DDX50: variants seen among roughly 807,000 people sequenced by gnomAD.
DDX50 encodes the protein ATP-dependent RNA helicase DDX50.
DDX50 carries 56 observed loss-of-function variants against 94.8 expected under a neutral mutation model. The ratio of observed to expected loss-of-function variants is 0.59; its 90% CI spans 0.48 to 0.74. The LOEUF (loss-of-function observed/expected upper bound fraction) is 0.74. Among genes scored for constraint, DDX50 ranks in the 30% least tolerant of loss-of-function variants. The probability of loss-of-function intolerance (pLI) is 0.00; values close to 1 mark genes in which losing one functional copy is unlikely to be tolerated. For synonymous variants in DDX50, 264 were observed against 295.4 expected, an observed-to-expected ratio of 0.89 and a Z score of 1.09; for missense variants, 713 against 881.2, an observed-to-expected ratio of 0.81 and a Z score of 2.42.
chr10:68,907,562 C>T (rs2132022198), intron 2 of DDX50, among the ~76,000 whole-genome samples: 1 of 152,120 alleles, frequency 6.6e-6, no homozygotes, highest in East Asian at 1.9e-4. Flanking sequence ...AGTGATCCAC[C>T]TGTCTCGGCT....
At chr10:68,940,149 G>C (rs963705163) in intron 12 of DDX50, among the ~76,000 whole-genome samples, 3 of 151,986 alleles carry the variant, frequency 2.0e-5, no homozygotes, top group African/African-American at 7.2e-5. Context: ...AGCACTTTGG[G>C]AGGCTGAAGC....
At chr10:68,940,378 T>TA (rs75318772) in intron 12 of DDX50, among the ~76,000 whole-genome samples, 290 of 134,046 alleles carry the variant, frequency 2.2e-3, no homozygotes, top group Middle Eastern at 0.02. Flanking sequence ...GACCCTGTCT[T>TA]AAAAAAAAAA....
intron 14 of DDX50, among the ~76,000 whole-genome samples, 170 bp from the exon 15 acceptor site, chr10:68,946,182 A>T (rs1252168469): frequency 2.6e-5 from 4 of 152,184 alleles, no homozygotes; most frequent in Non-Finnish European, 4.4e-5. Flanking sequence ...TGATCTCGAA[A>T]ATTGAAAATA....
intron 13 of DDX50, among the ~76,000 whole-genome samples, chr10:68,942,759 A>T (rs931849346): frequency 6.6e-6 from 1 of 151,902 alleles, no homozygotes; most frequent in Non-Finnish European, 1.5e-5. Context: ...GACTACAGTC[A>T]TGCATCACCA....
Position 68,934,484 on chromosome 10 carries a change from TAGTG to T in DDX50, c.1401+125_1401+128del. 1 of 1,306,846 alleles carries T rather than the reference TAGTG, an allele frequency of 7.7e-7. No homozygotes were observed. The highest frequency in any genetic ancestry group is 1.1e-6 in the Non-Finnish European group (1 of 948,192). 81.0% of individuals were successfully genotyped at this position (1,306,846 alleles called of 1,614,324 possible). On this transcript the variant is annotated intron_variant, in intron 9 of 14. Coordinates refer to ENST00000373585, the MANE Select transcript of DDX50 (RefSeq NM_024045.2). This position sits in a 1 kb window ranked among gnomAD's most constrained non-coding sequence, Gnocchi z 4.0. Reference sequence around the variant, plus strand: ...CTTCTTGCTCTTAGCCATTTTTTGTTAGTGTGCTATTAAATTTATCAGATTCTGA... The same window carrying T: ...CTTCTTGCTCTTAGCCATTTTTTGTTTGCTATTAAATTTATCAGATTCTGA...
At chr10:68,915,433 A>G (rs907531616) in intron 7 of DDX50, among the ~76,000 whole-genome samples, 2 of 143,300 alleles carry the variant, frequency 1.4e-5, no homozygotes, top group African/African-American at 5.2e-5. Context: ...AAAAGAAAAA[A>G]AAGGCTGGGT....
rs1305069416 is a variant in DDX50 at position 68,901,447 on chromosome 10, G to A, written c.63G>A (p.Glu21=). 1.9e-6 allele frequency: 3 copies of A among 1,574,796 alleles called. No homozygotes were observed. The highest frequency in any genetic ancestry group is 8.6e-7 in the Non-Finnish European group (1 of 1,160,772). ...MELEAPLEES[E]SQKKERQKSD... The stretch of plus-strand genomic sequence containing the variant: ...TGGAAGCACCCTTGGAGGAGTCCGA[G>A]AGCCAGAAGAAGGAGAGGCAAAAGG... Residue 21 remains glutamate, a synonymous_variant, in exon 1 of 15, where the codon GAG becomes GAA. Transcript: ENST00000373585.
intron 8 of DDX50, among the ~76,000 whole-genome samples, chr10:68,922,663 T>C: frequency 6.6e-6 from 1 of 152,014 alleles, no homozygotes; most frequent in South Asian, 2.1e-4. Flanking sequence ...GGTGGTGGTG[T>C]GTGCCTGTAC....
In DDX50 at chr10:68,938,235, A is replaced by G. The variant is rs879698197; in HGVS notation, c.1755+1140A>G. Among the ~76,000 whole-genome samples the G allele has an allele frequency of 9.9e-5, 15 of 152,198 alleles. 1 individual carries two copies. The highest frequency in any genetic ancestry group is 2.9e-4 in the African/African-American group (12 of 41,440). On this transcript the variant is annotated intron_variant, in intron 12 of 14. Coordinates refer to ENST00000373585, the MANE Select transcript of DDX50 (RefSeq NM_024045.2). ...CAAAGTAAGAAATAGACTCTGCACA[A>G]TTAACACAGTAGCATGCAAAGTAAG...
chr10:68,904,871 C>T (rs1326272069), intron 1 of DDX50, among the ~76,000 whole-genome samples: 2 of 152,196 alleles, frequency 1.3e-5, no homozygotes, highest in African/African-American at 4.8e-5. Context: ...CATTTTCACA[C>T]ATATTGTTCA....
intron 8 of DDX50, among the ~76,000 whole-genome samples, chr10:68,925,361 C>T (rs372218179): frequency 7.2e-5 from 11 of 152,004 alleles, no homozygotes; most frequent in South Asian, 4.2e-4. Flanking sequence ...CCACCCGCCT[C>T]GGCCTCCCAA....
At chr10:68,907,065 AT>A in intron 2 of DDX50, 58 bp downstream of exon 2, 3 of 1,488,266 alleles carry the variant, frequency 2.0e-6, no homozygotes, top group South Asian at 1.3e-5. Flanking sequence ...GTTGATTTGA[AT>A]TTTTTTAGGC....
Position 68,906,863 on chromosome 10 carries a change from A to C in DDX50, c.240A>C (p.Arg80Ser). 1 of 1,612,888 alleles carries C rather than the reference A, an allele frequency of 6.2e-7. No individual in the cohort carries two copies. Among genetic ancestry groups the C allele is most frequent in the Non-Finnish European group, 8.5e-7 (1 of 1,179,836 alleles). The change falls in exon 2 of 15, where the codon AGA (arginine) becomes AGC (serine). Residue 80 changes from arginine (R) to serine (S), a missense_variant. This residue lies in a region of DDX50 where 285 missense variants were observed against 278.9 expected (regional missense o/e 1.02). Coordinates refer to ENST00000373585, the MANE Select transcript of DDX50 (RefSeq NM_024045.2). ...LNGDTEEGFN[R>S]LSDEFSKSHK... is the part of the protein sequence containing the mutation. ...GAGACACTGAAGAAGGATTTAATAG[A>C]CTTTCAGATGAATTCTCCAAATCTC... is the stretch of plus-strand genomic sequence containing the variant.
rs1842445441 is a variant in DDX50, at chr10:68,937,247, A to C, written c.1755+152A>C. Reference sequence around the variant, plus strand: ...CCTTATTTTCCTCTACTCCCTAATAAATCCTTTTTTGACAATCACCTCTTC... The same window carrying C: ...CCTTATTTTCCTCTACTCCCTAATACATCCTTTTTTGACAATCACCTCTTC... On this transcript the variant is annotated intron_variant, in intron 12 of 14. Transcript: ENST00000373585. The C allele has an allele frequency of 9.5e-6, 8 of 838,600 alleles. No individual in the cohort carries two copies. The Admixed American group carries it at 3.0e-4, about 31-fold the overall frequency. The allele number at this position is 838,600 out of a possible 1,614,324, so 51.9% of individuals were successfully genotyped here.
chr10:68,911,069 T>C lies in DDX50; in HGVS notation c.462T>C (p.Gly154=). The C allele has an allele frequency of 6.5e-7, 1 of 1,531,720 alleles. No homozygotes were observed. Among genetic ancestry groups the C allele is most frequent in the African/African-American group, 1.4e-5 (1 of 71,714 alleles). The allele number at this position is 1,531,720 out of a possible 1,614,324, so 94.9% of individuals were successfully genotyped here. Residue 154 remains glycine (G), a splice_region_variant and synonymous_variant, in exon 4 of 15, where the codon GGT becomes GGC. Transcript: ENST00000373585. ...ISEETIKLLK[G]RGVTYLFPIQ... ...TTTTAATTAAATCTCATTTTACAGG[T>C]CGAGGGGTAACATATCTCTTTCCTA...
rs1415577695 is a variant in DDX50 at position 68,945,380 on chromosome 10, C to T, written c.1936-972C>T. 9.9e-5 allele frequency among the ~76,000 whole-genome samples: 15 copies of T among 152,018 alleles called. No individual in the cohort carries two copies. The East Asian group carries it at 2.1e-3, about 22-fold the overall frequency. On this transcript the variant is annotated intron_variant, in intron 14 of 14. Coordinates refer to ENST00000373585, the MANE Select transcript of DDX50 (RefSeq NM_024045.2). The stretch of plus-strand genomic sequence containing the variant: ...GGAGTGTAGTGGCACGATCTCGGCT[C>T]ACTGCAACCTCTGCCTCCCAGGTTC...
chr10:68,936,174 C>A, intron 11 of DDX50, 95 bp downstream of exon 11: 1 of 895,070 alleles, frequency 1.1e-6, no homozygotes, highest in Non-Finnish European at 1.7e-6. Context: ...ATTTTACCAC[C>A]AGTTTTACCA....
At chr10:68,925,830 A>G (rs1053960877) in intron 8 of DDX50, among the ~76,000 whole-genome samples, 1 of 151,944 alleles carries the variant, frequency 6.6e-6, no homozygotes, top group Admixed American at 6.6e-5. Context: ...CCTGTGCAAC[A>G]TGGTGAAACC....
At position 68,936,006 on chromosome 10, in the gene DDX50, G is replaced by A. The variant is rs1215596324; in HGVS notation, c.1522G>A (p.Gly508Arg). ...TTTAATGTAACTCTTTCATTTTCAG[G>A]GAATTACTTTTAAACGTGTAGGTGT... ...GQLRYVEQKA[G>R]ITFKRVGVPS... Residue 508 changes from glycine (G) to arginine (R), a missense_variant and splice_region_variant, in exon 11 of 15, where the codon GGA (glycine) becomes AGA (arginine). Physicochemically the swap from Gly to Arg is moderately radical, Grantham distance 125. Transcript: ENST00000373585. The A allele has an allele frequency of 1.9e-6, 3 of 1,591,676 alleles. No individual in the cohort carries two copies. The highest frequency in any genetic ancestry group is 2.6e-6 in the Non-Finnish European group (3 of 1,169,504).
Sources: gnomAD v4.1 joint callset for allele counts (sites outside exome capture counted in the v4.1 genomes callset) on GRCh38, gnomAD v4.1.1 for gene constraint, gnomAD v4.1.1 regional missense constraint, Gnocchi (gnomAD v3.1) non-coding constraint, MANE v1.5 for transcripts, NCBI Gene and HGNC (gene_info 2026-07-23, HGNC 2026-07-21) for gene names.